Variants in UNC93A observed in about 807,000 individuals in gnomAD.
The protein encoded by UNC93A is unc-93 homolog A, also known as N-acetylglucosamine transporter UNC93A.
In UNC93A, 43 loss-of-function variants were observed where a neutral mutation model predicts 47.5. The observed-to-expected ratio is 0.91, with a 90% CI of 0.71 to 1.17. The LOEUF (loss-of-function observed/expected upper bound fraction) is 1.17. Ranked by LOEUF, UNC93A falls within the 50% of genes most tolerant of loss-of-function variation. The pLI, the probability that UNC93A is intolerant of heterozygous loss-of-function variation, is 0.00. For missense variants in UNC93A, 605 were observed against 577.6 expected, an observed-to-expected ratio of 1.05 and a Z score of -0.49; for synonymous variants, 280 against 258.0, an observed-to-expected ratio of 1.09 and a Z score of -0.82.
At chr6:167,296,324 AG>A in intron 3 of UNC93A, 63 bp downstream of exon 3, 2 of 1,552,846 alleles carry the variant, frequency 1.3e-6, no homozygotes, top group Non-Finnish European at 1.8e-6. Context: ...GATGGGGGAG[AG>A]GGTTCCTGAT....
chr6:167,293,374 C>T (rs569724194), intron 1 of UNC93A, among the ~76,000 whole-genome samples: 1 of 152,284 alleles, frequency 6.6e-6, no homozygotes, highest in African/African-American at 2.4e-5. Flanking sequence ...GTCCCCTCCA[C>T]TCCAGCTCCA....
chr6:167,311,598 T>C (rs1004321896), intron 7 of UNC93A, among the ~76,000 whole-genome samples: 1 of 152,234 alleles, frequency 6.6e-6, no homozygotes, highest in Admixed American at 6.5e-5. Flanking sequence ...ACTTCTTCAG[T>C]GCCCTATTCA....
chr6:167,270,068 G>T (rs1227948879), upstream of UNC93A, among the ~76,000 whole-genome samples: 1 of 140,606 alleles, frequency 7.1e-6, no homozygotes, highest in Non-Finnish European at 1.6e-5. Flanking sequence ...GGGGGTGGGG[G>T]GGGGGCGTTC....
At chr6:167,277,627 G>C (rs1256324792) in intron 1 of UNC93A, among the ~76,000 whole-genome samples, 4 of 151,192 alleles carry the variant, frequency 2.6e-5, no homozygotes, top group African/African-American at 9.8e-5. Flanking sequence ...CTCTCTCTCT[G>C]ACTTTCTCTC....
intron 1 of UNC93A, among the ~76,000 whole-genome samples, chr6:167,279,043 A>G (rs1425810627): frequency 6.6e-6 from 1 of 152,258 alleles, no homozygotes; most frequent in African/African-American, 2.4e-5. Context: ...CCTGCAACAC[A>G]CAGGCAGATG....
intron 7 of UNC93A, among the ~76,000 whole-genome samples, chr6:167,309,271 T>G (rs1562360415): frequency 1.3e-5 from 2 of 152,046 alleles, no homozygotes; most frequent in Non-Finnish European, 2.9e-5. Flanking sequence ...GTGAGAGCGT[T>G]TTGGAGGAAG....
intron 7 of UNC93A, among the ~76,000 whole-genome samples, chr6:167,312,192 G>A (rs1778577171): frequency 6.6e-6 from 1 of 151,762 alleles, no homozygotes; most frequent in African/African-American, 2.4e-5. Flanking sequence ...GTTTGCGGAG[G>A]ACAGCTCCCT....
intron 1 of UNC93A, among the ~76,000 whole-genome samples, chr6:167,283,001 T>C (rs1370558107): frequency 5.9e-5 from 9 of 152,178 alleles, no homozygotes; most frequent in Non-Finnish European, 1.3e-4. Flanking sequence ...GGTTTTATTA[T>C]GTTGATGAAG....
chr6:167,285,938 T>TTCTTTCTCTCTCTCTCTC (rs1554237635), intron 1 of UNC93A, among the ~76,000 whole-genome samples: 3 of 131,776 alleles, frequency 2.3e-5, no homozygotes, highest in African/African-American at 8.9e-5. Context: ...TTAGTTTTCT[T>TTCTTTCTCTCTCTCTCTC]TCTCTCTCTC....
intron 1 of UNC93A, among the ~76,000 whole-genome samples, chr6:167,293,933 G>A (rs572158723): frequency 1.2e-4 from 19 of 152,304 alleles, no homozygotes; most frequent in African/African-American, 3.4e-4. Context: ...GTGCCTGCCC[G>A]GGTTGTCTCC....
At chr6:167,305,018 G>A (rs1249319909) in intron 5 of UNC93A, among the ~76,000 whole-genome samples, 1 of 152,244 alleles carries the variant, frequency 6.6e-6, no homozygotes, top group Non-Finnish European at 1.5e-5. Context: ...CACTCCTGGA[G>A]GCTGTTGAGA....
At chr6:167,298,106 C>T (rs1395662802) in intron 4 of UNC93A, 36 bp downstream of exon 4, 2 of 1,597,862 alleles carry the variant, frequency 1.3e-6, no homozygotes, top group Non-Finnish European at 1.7e-6. Context: ...GGGTCCCTAG[C>T]AAAGCAGAGC....
intron 4 of UNC93A, among the ~76,000 whole-genome samples, chr6:167,298,690 G>A (rs1463769250): frequency 1.3e-5 from 2 of 152,130 alleles, no homozygotes; most frequent in African/African-American, 2.4e-5. Flanking sequence ...ATTCTTAGAA[G>A]TTCATTTTAA....
intron 1 of UNC93A, among the ~76,000 whole-genome samples, chr6:167,276,915 C>G (rs913190118): frequency 3.3e-5 from 5 of 152,224 alleles, no homozygotes; most frequent in African/African-American, 4.8e-5. Context: ...CGGGGTGTAC[C>G]TGCAGCCCAC....
chr6:167,299,553 C>T (rs892887614), intron 4 of UNC93A, among the ~76,000 whole-genome samples: 3 of 152,200 alleles, frequency 2.0e-5, no homozygotes, highest in African/African-American at 7.2e-5. Flanking sequence ...AGAAGCTCGC[C>T]TTTAGTAAGC....
At chr6:167,286,607 G>A (rs1028066462), upstream of UNC93A, among the ~76,000 whole-genome samples, 1 of 152,184 alleles carries the variant, frequency 6.6e-6, no homozygotes, top group Admixed American at 6.5e-5. Context: ...TATCTTTGGA[G>A]ATTTTTGGGC....
At chr6:167,303,851 CA>C in intron 4 of UNC93A, 67 bp from the exon 5 acceptor site, 2 of 1,536,210 alleles carry the variant, frequency 1.3e-6, no homozygotes, top group South Asian at 2.3e-5. Flanking sequence ...GTGACTGAAA[CA>C]AATCCTTGCC....
chr6:167,314,213 G>A (rs529376866), intron 7 of UNC93A, among the ~76,000 whole-genome samples: 5 of 147,016 alleles, frequency 3.4e-5, no homozygotes, highest in African/African-American at 7.5e-5. Flanking sequence ...TCGGCAAGAC[G>A]GTTCTTTCCA....
intron 1 of UNC93A, among the ~76,000 whole-genome samples, chr6:167,283,926 C>T (rs56058730): frequency 0.037 from 5,672 of 152,264 alleles, 306 homozygotes; most frequent in African/African-American, 0.13. Flanking sequence ...TTTCAGCAAA[C>T]GCTTTCATAG....
Sources: allele counts gnomAD v4.1 joint callset (sites outside exome capture counted in the v4.1 genomes callset), GRCh38; gene constraint gnomAD v4.1.1; transcripts MANE v1.5; gene names NCBI Gene and HGNC (gene_info 2026-07-23, HGNC 2026-07-21).